The following GALNT13 variants were observed in gnomAD, a reference collection of about 807,000 sequenced individuals.
GALNT13 encodes polypeptide N-acetylgalactosaminyltransferase 13.
In GALNT13, 28 loss-of-function variants were observed where a neutral mutation model predicts 64.2. That is an observed-to-expected ratio of 0.44 (90% CI 0.32 to 0.60). The LOEUF (loss-of-function observed/expected upper bound fraction) is 0.60, where lower values mean the gene tolerates loss of function less well. Among genes scored for constraint, GALNT13 ranks in the 20% least tolerant of loss-of-function variants. GALNT13 has a pLI of 0.05. For synonymous variants in GALNT13, 214 were observed against 224.6 expected (o/e 0.95, Z 0.42); for missense variants, 577 against 669.8 (o/e 0.86, Z 1.53).
the GALNT13 span, among the ~76,000 whole-genome samples, chr2:153,735,320 C>A: frequency 1.3e-5 from 2 of 151,570 alleles, no homozygotes; most frequent in African/African-American, 2.4e-5. Context: ...ACTTTTCCCC[C>A]CAAGATTTCA....
intron 3 of GALNT13, among the ~76,000 whole-genome samples, chr2:154,102,826 G>T (rs189443236): frequency 6.6e-6 from 1 of 152,070 alleles, no homozygotes; most frequent in African/African-American, 2.4e-5. Context: ...TATAGAGTGC[G>T]TATGTATCTA....
chr2:153,197,192 T>G, the GALNT13 span, among the ~76,000 whole-genome samples: 1 of 152,198 alleles, frequency 6.6e-6, no homozygotes, highest in Non-Finnish European at 1.5e-5. Flanking sequence ...GGCATGCTTG[T>G]GTGCTGACAG....
At chr2:153,656,341 C>CGT in the GALNT13 span, among the ~76,000 whole-genome samples, 3 of 62,424 alleles carry the variant, frequency 4.8e-5, no homozygotes, top group South Asian at 3.8e-4. Flanking sequence ...TGTGTGTGTG[C>CGT]GCGCGCACAT....
At chr2:154,370,008 A>G (rs1697591601) in intron 9 of GALNT13, among the ~76,000 whole-genome samples, 2 of 152,200 alleles carry the variant, frequency 1.3e-5, no homozygotes, top group Admixed American at 1.3e-4. Flanking sequence ...AATCCATTTT[A>G]GAAATGATGT....
chr2:154,138,716 A>T lies in GALNT13; in HGVS notation c.143-1621A>T, dbSNP rs550654219. On this transcript the variant is annotated intron_variant, in intron 3 of 12. Transcript: ENST00000392825. ...TTTAATACTTTATGTAGACTAAAAAATTTTTTTAATCTTACAAATGAAAGA... is the reference window on the plus strand; with the variant it reads ...TTTAATACTTTATGTAGACTAAAAATTTTTTTTAATCTTACAAATGAAAGA... Among the ~76,000 whole-genome samples, 10 of 152,076 alleles carry T rather than the reference A, an allele frequency of 6.6e-5. No homozygotes were observed. The South Asian group carries it at 1.0e-3, about 16-fold the overall frequency.
intron 3 of GALNT13, among the ~76,000 whole-genome samples, chr2:153,981,486 C>T (rs536413377): frequency 3.3e-5 from 5 of 152,052 alleles, no homozygotes; most frequent in South Asian, 4.2e-4. Flanking sequence ...TTTGTTCTTG[C>T]GATAGTTTAC....
chr2:153,459,588 G>A, the GALNT13 span, among the ~76,000 whole-genome samples: 29 of 152,062 alleles, frequency 1.9e-4, 1 homozygote, highest in Admixed American at 1.6e-3. Flanking sequence ...AATACAAAGC[G>A]AAACTGAAAT....
At chr2:154,284,520 T>TACACACACACAC (rs372990123) in intron 8 of GALNT13, among the ~76,000 whole-genome samples, 23,736 of 145,540 alleles carry the variant, frequency 0.16, 2,044 homozygotes, top group Middle Eastern at 0.3. Context: ...TACATATAGC[T>TACACACACACAC]ACACACACAC....
At chr2:154,001,405 A>G (rs1292680854) in intron 3 of GALNT13, among the ~76,000 whole-genome samples, 1 of 151,462 alleles carries the variant, frequency 6.6e-6, no homozygotes, top group Non-Finnish European at 1.5e-5. Flanking sequence ...GCACATCTTG[A>G]TTCTGTATTA....
the GALNT13 span, among the ~76,000 whole-genome samples, chr2:153,140,434 A>G: frequency 1.8e-4 from 27 of 152,142 alleles, no homozygotes; most frequent in Admixed American, 1.6e-3. Flanking sequence ...AATGCATATA[A>G]ATGTATTTTC....
At chr2:154,344,261 AAGG>A (rs1449046884) in intron 9 of GALNT13, among the ~76,000 whole-genome samples, 1 of 137,596 alleles carries the variant, frequency 7.3e-6, no homozygotes, top group Non-Finnish European at 1.7e-5. Context: ...TAACAAATAG[AAGG>A]AGATCTTGCC....
At chr2:154,008,525 A>G (rs1039893685) in intron 3 of GALNT13, among the ~76,000 whole-genome samples, 6 of 151,994 alleles carry the variant, frequency 3.9e-5, no homozygotes, top group Non-Finnish European at 5.9e-5. Context: ...AGATTATTTA[A>G]TCACCCAGGT....
At chr2:153,287,180 G>T in the GALNT13 span, among the ~76,000 whole-genome samples, 28 of 152,174 alleles carry the variant, frequency 1.8e-4, no homozygotes, top group Admixed American at 2.6e-4. Context: ...ACGCGATGGG[G>T]GTGTGGCTCA....
At chr2:153,915,543 C>G (rs562400722) in intron 2 of GALNT13, among the ~76,000 whole-genome samples, 4 of 152,248 alleles carry the variant, frequency 2.6e-5, no homozygotes, top group African/African-American at 9.6e-5. Context: ...TTCATATGTC[C>G]TGTCACTCCT....
At chr2:153,458,440 A>G in the GALNT13 span, among the ~76,000 whole-genome samples, 3 of 152,092 alleles carry the variant, frequency 2.0e-5, no homozygotes, top group South Asian at 4.2e-4. Context: ...TTTTGTGTCT[A>G]ATAAACTCCC....
At chr2:153,675,586 C>T in the GALNT13 span, among the ~76,000 whole-genome samples, 2 of 152,032 alleles carry the variant, frequency 1.3e-5, no homozygotes, top group South Asian at 4.1e-4. Flanking sequence ...GGAGAAATAC[C>T]TAATGTAAAT....
chr2:153,430,268 A>ATT, the GALNT13 span, among the ~76,000 whole-genome samples: 1 of 149,418 alleles, frequency 6.7e-6, no homozygotes. Flanking sequence ...GCCAATTTTA[A>ATT]TTTTTTTTTT....
chr2:154,445,722 A>C, intron 12 of GALNT13: 1 of 857,190 alleles, frequency 1.2e-6, no homozygotes, highest in Non-Finnish European at 1.6e-6. Context: ...TGTGTTCATT[A>C]AGCTGCCTGA....
At chr2:154,170,458 C>T (rs1685286704) in intron 4 of GALNT13, among the ~76,000 whole-genome samples, 1 of 151,944 alleles carries the variant, frequency 6.6e-6, no homozygotes, top group Non-Finnish European at 1.5e-5. Context: ...TTACAGTGAC[C>T]ATATATATGA....
Sources: allele counts gnomAD v4.1 joint callset (sites outside exome capture counted in the v4.1 genomes callset), GRCh38; gene constraint gnomAD v4.1.1; transcripts MANE v1.5; gene names NCBI Gene and HGNC (gene_info 2026-07-23, HGNC 2026-07-21).